Variants in AJAP1 observed in about 807,000 individuals in gnomAD.
AJAP1 encodes adherens junction-associated protein 1.
A neutral mutation model predicts 35.0 loss-of-function variants in AJAP1; 5 were observed. The ratio of observed to expected loss-of-function variants is 0.14; its 90% CI spans 0.07 to 0.30. The LOEUF is 0.30. Ranked by LOEUF, AJAP1 falls within the 10% of genes least tolerant of loss-of-function variation. AJAP1 has a pLI of 1.00. For missense variants in AJAP1, 586 were observed against 571.0 expected, an observed-to-expected ratio of 1.03 and a Z score of -0.27; for synonymous variants, 284 against 249.3, an observed-to-expected ratio of 1.14 and a Z score of -1.31.
At chr1:4,696,534 G>A (rs372419302) in intron 1 of AJAP1, among the ~76,000 whole-genome samples, 1 of 152,192 alleles carries the variant, frequency 6.6e-6, no homozygotes. Context: ...GCTGTATGCC[G>A]GGCTGCATCT....
chr1:4,710,630 C>T (rs542446053), intron 1 of AJAP1, among the ~76,000 whole-genome samples: 10 of 152,368 alleles, frequency 6.6e-5, no homozygotes, highest in African/African-American at 1.9e-4. Context: ...GTCAGGCTGG[C>T]GCTTGGCACC....
At chr1:4,772,582 C>G in intron 4 of AJAP1, 57 bp downstream of exon 4, 1 of 1,592,276 alleles carries the variant, frequency 6.3e-7, no homozygotes, top group Non-Finnish European at 8.6e-7. Context: ...CTCCTGACCC[C>G]CGGGGGCCGG....
intron 5 of AJAP1, 61 bp downstream of exon 5, chr1:4,774,619 T>C (rs1318950777): frequency 1.1e-6 from 1 of 903,576 alleles, no homozygotes; most frequent in South Asian, 1.5e-5. Flanking sequence ...CCCACTGCCC[T>C]CCCCTGCACT....
intron 1 of AJAP1, among the ~76,000 whole-genome samples, chr1:4,662,554 C>T (rs753991447): frequency 5.9e-5 from 9 of 152,232 alleles, no homozygotes; most frequent in African/African-American, 1.9e-4. Flanking sequence ...GTGCACGCCT[C>T]GGGATGGATG....
Position 4,655,824 on chromosome 1 carries a change from G to A in AJAP1, c.29+370G>A, listed in dbSNP as rs1638867721. Among the ~76,000 whole-genome samples, 1 of 149,116 alleles carries A rather than the reference G, an allele frequency of 6.7e-6. No individual in the cohort carries two copies. On this transcript the variant is annotated intron_variant, in intron 1 of 5. Coordinates refer to ENST00000378191, the MANE Select transcript of AJAP1 (RefSeq NM_018836.4). The surrounding 1 kb of genome is among the most constrained non-coding windows in gnomAD (Gnocchi z 6.9). ...GCCCGGGGCGAGGCGCCGGCCGCTG[G>A]GCGCGGCGGGCGCGGGGGCCGGGGC...
At chr1:4,679,810 T>G (rs113143573) in intron 1 of AJAP1, among the ~76,000 whole-genome samples, 9 of 52,676 alleles carry the variant, frequency 1.7e-4, no homozygotes, top group South Asian at 9.7e-4. Context: ...ACCAATAGGG[T>G]GTGTGTGTGT....
At position 4,785,741 on chromosome 1, in the gene AJAP1, G is replaced by C. The variant is rs1167058413; in HGVS notation, c.*3256G>C. On this transcript the variant is annotated 3_prime_UTR_variant, in exon 6 of 6. Coordinates refer to ENST00000378191, the MANE Select transcript of AJAP1 (RefSeq NM_018836.4). ...TAGACACCTCCCATCCCCCACCCAA[G>C]GCCTGGTCCTTTCCTTTGCTTGAGC... 1 of 152,100 alleles carries C rather than the reference G, an allele frequency of 6.6e-6. No individual in the cohort carries two copies. Among genetic ancestry groups the C allele is most frequent in the Non-Finnish European group, 1.5e-5 (1 of 68,040 alleles). The allele number at this position is 152,100 out of a possible 1,614,324, so 9.4% of individuals were successfully genotyped here. A position where few individuals can be genotyped will look rare whatever the true frequency, so the allele number is the denominator to read the frequency against.
chr1:4,747,962 A>AGCCT (rs1313001345), intron 2 of AJAP1, among the ~76,000 whole-genome samples: 1 of 150,868 alleles, frequency 6.6e-6, no homozygotes, highest in Non-Finnish European at 1.5e-5. Flanking sequence ...ACTGCACACC[A>AGCCT]GCCTGGGTGA....
At chr1:4,760,280 T>A (rs34125417) in intron 2 of AJAP1, among the ~76,000 whole-genome samples, 10,978 of 151,476 alleles carry the variant, frequency 0.072, 551 homozygotes, top group Non-Finnish European at 0.11. Flanking sequence ...TATGTGTGAG[T>A]GTGTGTGTGC....
At chr1:4,663,239 A>G (rs1478585240) in intron 1 of AJAP1, among the ~76,000 whole-genome samples, 1 of 152,098 alleles carries the variant, frequency 6.6e-6, no homozygotes, top group East Asian at 1.9e-4. Flanking sequence ...TCAGCCTCCT[A>G]GAGTGCTGGG....
chr1:4,687,320 G>A (rs1179830837), intron 1 of AJAP1, among the ~76,000 whole-genome samples: 2 of 152,142 alleles, frequency 1.3e-5, no homozygotes, highest in Non-Finnish European at 2.9e-5. Flanking sequence ...CCCATGACTG[G>A]TGCCTCAGCT....
At chr1:4,737,174 G>A (rs1381299727) in intron 2 of AJAP1, among the ~76,000 whole-genome samples, 1 of 152,124 alleles carries the variant, frequency 6.6e-6, no homozygotes, top group African/African-American at 2.4e-5. Context: ...TGGGGCTGTG[G>A]ATGGGCACCC....
intron 2 of AJAP1, among the ~76,000 whole-genome samples, chr1:4,728,556 G>A (rs1640724378): frequency 2.6e-5 from 4 of 152,160 alleles, no homozygotes; most frequent in African/African-American, 7.2e-5. Flanking sequence ...TCTTGCTGTC[G>A]CCGTGGGGGC....
intron 1 of AJAP1, among the ~76,000 whole-genome samples, chr1:4,669,926 A>C (rs968222082): frequency 1.3e-5 from 2 of 152,190 alleles, no homozygotes; most frequent in African/African-American, 4.8e-5. Context: ...TTTGAGGGAC[A>C]TACCTAGGCA....
At chr1:4,708,461 G>C (rs1488781795) in intron 1 of AJAP1, among the ~76,000 whole-genome samples, 1 of 152,196 alleles carries the variant, frequency 6.6e-6, no homozygotes, top group Non-Finnish European at 1.5e-5. Flanking sequence ...ATGCCCTATG[G>C]GGTGAGGCCC....
chr1:4,717,794 T>C (rs1640430280), intron 2 of AJAP1, among the ~76,000 whole-genome samples: 1 of 151,892 alleles, frequency 6.6e-6, no homozygotes, highest in Admixed American at 6.6e-5. Context: ...AGAGTTGGAG[T>C]GGAAGAAAAT....
chr1:4,690,168 C>A (rs916069648), intron 1 of AJAP1, among the ~76,000 whole-genome samples: 2 of 152,174 alleles, frequency 1.3e-5, no homozygotes, highest in African/African-American at 4.8e-5. Context: ...TGTCCCTAAA[C>A]CCCCAGGAGG....
At chr1:4,706,674 G>T (rs551226625) in intron 1 of AJAP1, among the ~76,000 whole-genome samples, 2 of 152,148 alleles carry the variant, frequency 1.3e-5, no homozygotes, top group African/African-American at 4.8e-5. Flanking sequence ...CTCCCAGGAG[G>T]CTCACGCCGC....
intron 1 of AJAP1, among the ~76,000 whole-genome samples, chr1:4,665,439 A>G (rs556222574): frequency 1.3e-4 from 20 of 152,122 alleles, no homozygotes; most frequent in Non-Finnish European, 2.8e-4. Context: ...GAACACTCAC[A>G]GCTCCAGGTT....
Sources: gnomAD v4.1 joint callset for allele counts (sites outside exome capture counted in the v4.1 genomes callset) on GRCh38, gnomAD v4.1.1 for gene constraint, Gnocchi (gnomAD v3.1) non-coding constraint, MANE v1.5 for transcripts, NCBI Gene and HGNC (gene_info 2026-07-23, HGNC 2026-07-21) for gene names.